Variants in IPCEF1 observed in about 807,000 individuals in gnomAD.
IPCEF1 encodes interaction protein for cytohesin exchange factors 1.
A neutral mutation model predicts 50.9 loss-of-function variants in IPCEF1; 31 were observed. That is an observed-to-expected ratio of 0.61 (90% CI 0.46 to 0.82). IPCEF1 has a LOEUF of 0.82. Ranked by LOEUF, IPCEF1 falls within the 40% of genes least tolerant of loss-of-function variation. The probability of loss-of-function intolerance (pLI) is 0.00; values close to 1 mark genes in which losing one functional copy is unlikely to be tolerated. For synonymous variants in IPCEF1, 181 were observed against 192.0 expected, an observed-to-expected ratio of 0.94 and a Z score of 0.47; for missense variants, 458 against 514.0, an observed-to-expected ratio of 0.89 and a Z score of 1.05.
rs1317107589 is a variant in IPCEF1, at chr6:154,168,447, A to T, written c.911-334T>A. On this transcript the variant is annotated intron_variant, in intron 10 of 11. Transcript: ENST00000367220. The surrounding 1 kb of genome is among the most constrained non-coding windows in gnomAD (Gnocchi z 4.1). ...ATGTCTCTGTGTCCAAACTCCCCCTATTTATGAGGGTATCAGTCATGTTGG... is the reference window on the plus strand; with the variant it reads ...ATGTCTCTGTGTCCAAACTCCCCCTTTTTATGAGGGTATCAGTCATGTTGG... Among the ~76,000 whole-genome samples, 1 of 152,014 alleles carries T rather than the reference A, an allele frequency of 6.6e-6. No individual in the cohort carries two copies. Among genetic ancestry groups the T allele is most frequent in the African/African-American group, 2.4e-5 (1 of 41,392 alleles).
At chr6:154,314,275 C>T (rs1001285783) in intron 1 of IPCEF1, among the ~76,000 whole-genome samples, 14 of 152,046 alleles carry the variant, frequency 9.2e-5, no homozygotes, top group African/African-American at 3.4e-4. Flanking sequence ...GGGGAAATGC[C>T]CAATATAAAT....
chr6:154,318,111 C>T (rs1223594145), intron 1 of IPCEF1, among the ~76,000 whole-genome samples: 1 of 152,136 alleles, frequency 6.6e-6, no homozygotes, highest in East Asian at 1.9e-4. Flanking sequence ...CACATGACAA[C>T]TTTGCTATGA....
intron 1 of IPCEF1, among the ~76,000 whole-genome samples, chr6:154,348,764 C>A (rs1027106551): frequency 3.3e-5 from 5 of 152,158 alleles, no homozygotes; most frequent in Admixed American, 3.3e-4. Context: ...GACTTGCACT[C>A]CCAGCGAATA....
At chr6:154,355,698 A>C (rs1784205109) in intron 1 of IPCEF1, among the ~76,000 whole-genome samples, 1 of 152,028 alleles carries the variant, frequency 6.6e-6, no homozygotes, top group South Asian at 2.1e-4. Flanking sequence ...CATGTTGGCC[A>C]GGCTGGTCTC....
chr6:154,274,227 T>C (rs1419057519), intron 2 of IPCEF1, among the ~76,000 whole-genome samples: 2 of 152,186 alleles, frequency 1.3e-5, no homozygotes, highest in Non-Finnish European at 2.9e-5. Flanking sequence ...TGATGATGAA[T>C]TGACAGATGG....
chr6:154,309,830 C>A (rs367987537), intron 1 of IPCEF1, among the ~76,000 whole-genome samples: 1 of 150,610 alleles, frequency 6.6e-6, no homozygotes, highest in African/African-American at 2.4e-5. Flanking sequence ...ATGGTGAGAT[C>A]TTGGCTCACT....
At chr6:154,282,346 C>T (rs967304766) in intron 2 of IPCEF1, among the ~76,000 whole-genome samples, 1 of 152,186 alleles carries the variant, frequency 6.6e-6, no homozygotes, top group Non-Finnish European at 1.5e-5. Context: ...ACAATGTCAT[C>T]TCTTTCGCGG....
intron 3 of IPCEF1, among the ~76,000 whole-genome samples, chr6:154,254,540 G>A (rs192844449): frequency 8.5e-5 from 13 of 152,316 alleles, no homozygotes; most frequent in South Asian, 4.1e-4. Flanking sequence ...CCCTCAACAT[G>A]CAGAGATTAC....
At chr6:154,180,161 G>T (rs1157251424) in intron 10 of IPCEF1, among the ~76,000 whole-genome samples, 1 of 152,054 alleles carries the variant, frequency 6.6e-6, no homozygotes, top group Admixed American at 6.6e-5. Context: ...TTGCTCAAAG[G>T]AGTATGTCCA....
chr6:154,312,984 G>A (rs1783117191), intron 1 of IPCEF1, among the ~76,000 whole-genome samples: 1 of 147,734 alleles, frequency 6.8e-6, no homozygotes, highest in Admixed American at 7.0e-5. Context: ...GGGTAAGGTG[G>A]GAAGATCACT....
At chr6:154,229,196 T>C (rs1308754743) in intron 5 of IPCEF1, among the ~76,000 whole-genome samples, 3 of 152,240 alleles carry the variant, frequency 2.0e-5, no homozygotes, top group Non-Finnish European at 4.4e-5. Flanking sequence ...AATAACTGTG[T>C]TGTTCATACA....
intron 11 of IPCEF1, among the ~76,000 whole-genome samples, chr6:154,166,885 G>A (rs938603158): frequency 2.0e-5 from 3 of 152,010 alleles, no homozygotes; most frequent in Non-Finnish European, 2.9e-5. Context: ...TTTTATTATC[G>A]ATAAAAATTT....
At chr6:154,288,592 G>A (rs1436093439) in intron 2 of IPCEF1, among the ~76,000 whole-genome samples, 1 of 141,462 alleles carries the variant, frequency 7.1e-6, no homozygotes, top group East Asian at 2.3e-4. Flanking sequence ...GAACCCAGGA[G>A]ACCGAGGTTG....
chr6:154,164,642 T>C (rs185369087), intron 11 of IPCEF1, among the ~76,000 whole-genome samples: 1 of 152,282 alleles, frequency 6.6e-6, no homozygotes, highest in East Asian at 1.9e-4. Flanking sequence ...TTACTCCAAA[T>C]AGTCAGTGTG....
intron 10 of IPCEF1, among the ~76,000 whole-genome samples, chr6:154,196,699 T>C (rs973969054): frequency 4.6e-5 from 7 of 152,196 alleles, no homozygotes; most frequent in African/African-American, 1.2e-4. Context: ...CAGGGTAAAA[T>C]TGAGCTGAAA....
At chr6:154,194,166 G>C (rs551288416) in intron 10 of IPCEF1, among the ~76,000 whole-genome samples, 1 of 152,176 alleles carries the variant, frequency 6.6e-6, no homozygotes, top group African/African-American at 2.4e-5. Context: ...TTGGGAGGCC[G>C]AGGCGGGTGG....
intron 2 of IPCEF1, among the ~76,000 whole-genome samples, chr6:154,271,376 T>C (rs1347005988): frequency 6.6e-6 from 1 of 151,580 alleles, no homozygotes; most frequent in Admixed American, 6.6e-5. Flanking sequence ...AAAAATCATA[T>C]AATAGGATAA....
chr6:154,305,799 ATCTTTC>A (rs1439489314), intron 1 of IPCEF1, among the ~76,000 whole-genome samples: 1 of 152,208 alleles, frequency 6.6e-6, no homozygotes, highest in Non-Finnish European at 1.5e-5. Flanking sequence ...TCTGGCCTCC[ATCTTTC>A]TCCCATGCTG....
chr6:154,172,503 G>A (rs987541761), intron 10 of IPCEF1, among the ~76,000 whole-genome samples: 7 of 152,202 alleles, frequency 4.6e-5, no homozygotes, highest in Admixed American at 2.6e-4. Context: ...TGCCTGGCTC[G>A]GTGGGTCCCA....
Sources: gnomAD v4.1 joint callset for allele counts (sites outside exome capture counted in the v4.1 genomes callset) on GRCh38, gnomAD v4.1.1 for gene constraint, Gnocchi (gnomAD v3.1) non-coding constraint, MANE v1.5 for transcripts, NCBI Gene and HGNC (gene_info 2026-07-23, HGNC 2026-07-21) for gene names.